The following EAF2 variants were observed in gnomAD, a reference collection of about 807,000 sequenced individuals.
EAF2 encodes ELL-associated factor 2.
EAF2 carries 29 observed loss-of-function variants against 29.4 expected under a neutral mutation model. The observed-to-expected ratio is 0.99, with a 90% CI of 0.73 to 1.35. The LOEUF (loss-of-function observed/expected upper bound fraction) is 1.35. Ranked by LOEUF, EAF2 falls within the 40% of genes most tolerant of loss-of-function variation. The probability of loss-of-function intolerance (pLI) is 0.00; values close to 1 mark genes in which losing one functional copy is unlikely to be tolerated. For missense variants in EAF2, 292 were observed against 312.0 expected (o/e 0.94, Z 0.48); for synonymous variants, 103 against 102.5 (o/e 1.00, Z -0.03).
intron 2 of EAF2, among the ~76,000 whole-genome samples, chr3:121,850,371 T>C (rs1052160592): frequency 3.3e-5 from 5 of 152,016 alleles, no homozygotes; most frequent in African/African-American, 1.2e-4. Flanking sequence ...CTTATTACTT[T>C]GGGAGTACTA....
intron 5 of EAF2, among the ~76,000 whole-genome samples, chr3:121,880,766 A>G (rs1419179407): frequency 6.6e-6 from 1 of 151,972 alleles, no homozygotes; most frequent in Non-Finnish European, 1.5e-5. Flanking sequence ...GCTGCGTTTA[A>G]TAAGAATGGT....
intron 5 of EAF2, among the ~76,000 whole-genome samples, chr3:121,884,238 G>A (rs1709239685): frequency 6.6e-6 from 1 of 150,670 alleles, no homozygotes; most frequent in Admixed American, 6.6e-5. Flanking sequence ...TACTCGGGAG[G>A]CTGAGGCAGG....
intron 4 of EAF2, among the ~76,000 whole-genome samples, chr3:121,857,378 C>T (rs1576645483): frequency 6.6e-6 from 1 of 151,858 alleles, no homozygotes; most frequent in African/African-American, 2.4e-5. Context: ...TGTGGTCCCA[C>T]CTACTCGGGA....
chr3:121,870,195 A>T (rs1371252446), intron 4 of EAF2, among the ~76,000 whole-genome samples: 1 of 152,198 alleles, frequency 6.6e-6, no homozygotes, highest in Non-Finnish European at 1.5e-5. Context: ...TATTACCCCT[A>T]ATACCCAAAC....
intron 5 of EAF2, chr3:121,873,007 C>T: frequency 1.3e-6 from 1 of 767,008 alleles, no homozygotes; most frequent in South Asian, 1.5e-5. Flanking sequence ...TCCTCTCACT[C>T]CTTTTCAAGT....
chr3:121,873,487 T>C (rs1221425231), intron 5 of EAF2, among the ~76,000 whole-genome samples: 1 of 151,866 alleles, frequency 6.6e-6, no homozygotes, highest in Non-Finnish European at 1.5e-5. Flanking sequence ...CTATTATTTC[T>C]TGCCTTACCT....
At chr3:121,835,476 C>T in intron 1 of EAF2, 85 bp downstream of exon 1, 2 of 1,231,612 alleles carry the variant, frequency 1.6e-6, no homozygotes, top group Non-Finnish European at 2.3e-6. Context: ...TTTGTTCCCA[C>T]AGTACCCCTT....
chr3:121,876,722 G>A (rs1180959487), intron 5 of EAF2, among the ~76,000 whole-genome samples: 1 of 151,760 alleles, frequency 6.6e-6, no homozygotes, highest in Non-Finnish European at 1.5e-5. Flanking sequence ...AATGTTAAGG[G>A]TACCATTTAA....
chr3:121,882,874 C>T (rs779471136), intron 5 of EAF2, among the ~76,000 whole-genome samples: 18 of 151,434 alleles, frequency 1.2e-4, no homozygotes, highest in Admixed American at 2.0e-4. Context: ...CCATCTCTGA[C>T]CATTACTGCA....
At position 121,854,824 on chromosome 3, in the gene EAF2, G is replaced by A; in HGVS notation, c.338+1G>A. Reference sequence around the variant, plus strand: ...GCAACATCACTGTAAAAAAAACAAGGTATGTGGTTTAATGAAATAAATTAT... The same window carrying A: ...GCAACATCACTGTAAAAAAAACAAGATATGTGGTTTAATGAAATAAATTAT... On this transcript the variant is annotated splice_donor_variant, in intron 3 of 5. Transcript: ENST00000273668. LOFTEE classifies it high-confidence loss of function. 6.4e-7 allele frequency: 1 copy of A among 1,557,126 alleles called. No homozygotes were observed. The highest frequency in any genetic ancestry group is 8.6e-7 in the Non-Finnish European group (1 of 1,163,656).
Position 121,835,311 on chromosome 3 carries a change from A to G in EAF2, c.26A>G (p.His9Arg). 6.2e-7 allele frequency: 1 copy of G among 1,614,214 alleles called. No homozygotes were observed. Residue 9 changes from histidine to arginine, a missense_variant, in exon 1 of 6, where the codon CAC becomes CGC. His to Arg is a conservative substitution (Grantham distance 29). Coordinates refer to ENST00000273668, the MANE Select transcript of EAF2 (RefSeq NM_018456.6). ...ATGAATAGCGCAGCGGGATTCTCAC[A>G]CCTAGACCGTCGCGAGCGGGTTCTC... MNSAAGFSHLDRRERVLKL... is the reference protein window; with the variant it reads MNSAAGFSRLDRRERVLKL...
Position 121,867,326 on chromosome 3 carries a change from G to T in EAF2, c.485-5211G>T, listed in dbSNP as rs922377767. 2.6e-5 allele frequency among the ~76,000 whole-genome samples: 4 copies of T among 152,110 alleles called. No individual in the cohort carries two copies. The South Asian group carries it at 6.2e-4, about 24-fold the overall frequency. On this transcript the variant is annotated intron_variant, in intron 4 of 5. Coordinates refer to ENST00000273668, the MANE Select transcript of EAF2 (RefSeq NM_018456.6). ...AAGCCCCAAATAGGATAAACCCAAAGAAATTGATGCCAAGGTACATCATAA... is the reference window on the plus strand; with the variant it reads ...AAGCCCCAAATAGGATAAACCCAAATAAATTGATGCCAAGGTACATCATAA...
At chr3:121,861,533 C>T (rs1007291558) in intron 4 of EAF2, among the ~76,000 whole-genome samples, 2 of 152,030 alleles carry the variant, frequency 1.3e-5, no homozygotes, top group African/African-American at 4.8e-5. Flanking sequence ...GTAGATCTTC[C>T]TCCATCCCTT....
chr3:121,841,540 A>G (rs1377972635), intron 1 of EAF2, among the ~76,000 whole-genome samples: 23 of 28,692 alleles, frequency 8.0e-4, no homozygotes, highest in East Asian at 4.3e-3. Context: ...AAAAAAAAAA[A>G]AAAGAAAGAA....
At chr3:121,836,682 A>G in intron 1 of EAF2, 1 of 987,676 alleles carries the variant, frequency 1.0e-6, no homozygotes, top group Non-Finnish European at 1.2e-6. Flanking sequence ...CTGGCTCTGC[A>G]GTTTCTCTCT....
Position 121,835,372 on chromosome 3 carries a change from C to G in EAF2, c.87C>G (p.Cys29Trp). 2 of 1,613,962 alleles carry G rather than the reference C, an allele frequency of 1.2e-6. No homozygotes were observed. The highest frequency in any genetic ancestry group is 1.7e-6 in the Non-Finnish European group (2 of 1,179,900). Residue 29 changes from cysteine (C) to tryptophan (W), a missense_variant, in exon 1 of 6, where the codon TGC becomes TGG. Coordinates refer to ENST00000273668, the MANE Select transcript of EAF2 (RefSeq NM_018456.6). Reference sequence around the variant, plus strand: ...AGAGTTTCGAGAAGCAGCCGCGCTGCGCCTTCCACACTGTGCGCTGTGAGT... The same window carrying G: ...AGAGTTTCGAGAAGCAGCCGCGCTGGGCCTTCCACACTGTGCGCTGTGAGT... ...LGESFEKQPR[C>W]AFHTVRYDFK...
At chr3:121,862,490 G>A (rs764211944) in intron 4 of EAF2, among the ~76,000 whole-genome samples, 18 of 152,140 alleles carry the variant, frequency 1.2e-4, no homozygotes, top group Non-Finnish European at 2.4e-4. Flanking sequence ...GAAGCATCAC[G>A]TAGTTCTCGT....
At chr3:121,870,895 G>T (rs1412857380) in intron 4 of EAF2, among the ~76,000 whole-genome samples, 2 of 152,056 alleles carry the variant, frequency 1.3e-5, no homozygotes, top group Non-Finnish European at 2.9e-5. Context: ...CCAAGTGTGT[G>T]TGTGCCCTAG....
intron 1 of EAF2, among the ~76,000 whole-genome samples, chr3:121,841,690 T>C (rs1708435690): frequency 6.6e-6 from 1 of 151,136 alleles, no homozygotes. Context: ...CTGACCAACA[T>C]GGTGAAACCC....
Sources: gnomAD v4.1 joint callset for allele counts (sites outside exome capture counted in the v4.1 genomes callset) on GRCh38, gnomAD v4.1.1 for gene constraint, MANE v1.5 for transcripts, NCBI Gene and HGNC (gene_info 2026-07-23, HGNC 2026-07-21) for gene names.